ADD3: variants seen among roughly 807,000 people sequenced by gnomAD.
The protein encoded by ADD3 is adducin 3.
In ADD3, 25 loss-of-function variants were observed where a neutral mutation model predicts 80.2. The observed-to-expected ratio is 0.31, with a 90% confidence interval of 0.23 to 0.44. The LOEUF (loss-of-function observed/expected upper bound fraction) is 0.44. ADD3 is among the 20% of genes least tolerant of loss of function. ADD3 has a pLI of 1.00. For synonymous variants in ADD3, 284 were observed against 289.6 expected (o/e 0.98, Z 0.20); for missense variants, 829 against 847.5 (o/e 0.98, Z 0.27).
chr10:110,112,436 C>T (rs1850162871), intron 2 of ADD3: 1 of 181,570 alleles, frequency 5.5e-6, no homozygotes, highest in Non-Finnish European at 1.1e-5. Context: ...TCTGTCTTAG[C>T]TAAGCAAGGA....
At chr10:110,040,937 TCTCTCTC>T (rs1448326034) in intron 1 of ADD3, among the ~76,000 whole-genome samples, 19 of 102,200 alleles carry the variant, frequency 1.9e-4, no homozygotes, top group African/African-American at 5.4e-4. Flanking sequence ...TCGCTCTCTC[TCTCTCTC>T]GCTCTCTCTG....
At position 110,119,200 on chromosome 10, in the gene ADD3, A is replaced by G. The variant is rs746958016; in HGVS notation, c.718-11A>G. On this transcript the variant is annotated splice_polypyrimidine_tract_variant and intron_variant, in intron 6 of 14. Coordinates refer to ENST00000356080, the MANE Select transcript of ADD3 (RefSeq NM_016824.5). ...CAAATGTGTTATCTTGGTATGGGCC[A>G]AACCAAATAGGTATCCTCCATGAAA... The G allele has an allele frequency of 9.9e-6, 16 of 1,613,950 alleles. No homozygotes were observed. Among genetic ancestry groups the G allele is most frequent in the Non-Finnish European group, 1.4e-5 (16 of 1,179,926 alleles).
chr10:110,033,389 T>C (rs1855281851), intron 1 of ADD3, among the ~76,000 whole-genome samples: 1 of 152,202 alleles, frequency 6.6e-6, no homozygotes, highest in Non-Finnish European at 1.5e-5. Context: ...AAATTTAATA[T>C]AAAGAGGATA....
chr10:110,024,062 A>G (rs776732475), intron 1 of ADD3, among the ~76,000 whole-genome samples: 1 of 152,204 alleles, frequency 6.6e-6, no homozygotes, highest in African/African-American at 2.4e-5. Context: ...GTCCAGCACA[A>G]TGCTTACTTC....
chr10:110,059,766 C>G (rs1467503664), intron 1 of ADD3, among the ~76,000 whole-genome samples: 1 of 151,968 alleles, frequency 6.6e-6, no homozygotes, highest in Non-Finnish European at 1.5e-5. Flanking sequence ...GAGACTCTGT[C>G]TCAAAAAAAA....
chr10:110,079,473 T>A (rs1220698474), intron 1 of ADD3, among the ~76,000 whole-genome samples: 66 of 145,986 alleles, frequency 4.5e-4, no homozygotes, highest in East Asian at 3.9e-3. Flanking sequence ...TGTGTGTGTG[T>A]GTGTGTGTGT....
intron 1 of ADD3, among the ~76,000 whole-genome samples, chr10:110,086,019 C>T (rs780705729): frequency 9.9e-5 from 15 of 152,084 alleles, no homozygotes; most frequent in South Asian, 2.1e-4. Context: ...GCACGAGAAT[C>T]GCTTGAACCT....
chr10:110,035,341 C>CA (rs1249484334), intron 1 of ADD3, among the ~76,000 whole-genome samples: 2 of 152,190 alleles, frequency 1.3e-5, no homozygotes, highest in African/African-American at 4.8e-5. Context: ...CATCTATCTG[C>CA]ATCCCATGTT....
intron 1 of ADD3, among the ~76,000 whole-genome samples, chr10:110,097,910 GA>G (rs1168932698): frequency 6.6e-6 from 1 of 151,902 alleles, no homozygotes; most frequent in African/African-American, 2.4e-5. Flanking sequence ...GAGTAGCTGG[GA>G]CTACAGGCGC....
chr10:110,067,967 C>G lies in ADD3; in HGVS notation c.-29-32658C>G, dbSNP rs188153760. Among the ~76,000 whole-genome samples the G allele has an allele frequency of 2.0e-5, 3 of 152,102 alleles. No homozygotes were observed. The East Asian group carries it at 5.8e-4, about 29-fold the overall frequency. ...AGGGATAACTATTTATCCTAACTTT[C>G]TCTATACTGGAAAAACACCCCCTTT... On this transcript the variant is annotated intron_variant, in intron 1 of 14. Transcript: ENST00000356080.
At chr10:110,029,805 TAACA>T (rs548681557) in intron 1 of ADD3, among the ~76,000 whole-genome samples, 215 of 152,356 alleles carry the variant, frequency 1.4e-3, no homozygotes, top group Non-Finnish European at 2.7e-3. Flanking sequence ...GTTGAATTTT[TAACA>T]AACTTAACTA....
At chr10:110,049,265 G>C (rs4917550) in intron 1 of ADD3, among the ~76,000 whole-genome samples, 142,286 of 152,286 alleles carry the variant, frequency 0.93, 66,706 homozygotes, top group East Asian at 1. Context: ...GGCTGGGGCC[G>C]TCATGGAGAA....
chr10:110,010,569 C>T (rs1852225285), intron 1 of ADD3, among the ~76,000 whole-genome samples: 1 of 152,154 alleles, frequency 6.6e-6, no homozygotes. Context: ...TTTTTGAAGG[C>T]TGTTAGGTCA....
intron 3 of ADD3, 48 bp downstream of exon 3, chr10:110,112,963 T>C: frequency 6.9e-6 from 11 of 1,584,808 alleles, no homozygotes; most frequent in Non-Finnish European, 9.5e-6. Context: ...TACTTCCACT[T>C]TGGACCACTA....
rs1195370233 is a variant in ADD3 at position 110,100,723 on chromosome 10, T to G, written c.70T>G (p.Tyr24Asp). 60 of 1,614,014 alleles carry G rather than the reference T, an allele frequency of 3.7e-5. No individual in the cohort carries two copies. Among genetic ancestry groups the G allele is most frequent in the Non-Finnish European group, 4.6e-5 (54 of 1,179,956 alleles). The change falls in exon 2 of 15, where the codon TAT becomes GAT. Residue 24 changes from tyrosine to aspartate, a missense_variant. By Grantham distance (160) the Tyr-to-Asp change is radical (BLOSUM62 -3). Coordinates refer to ENST00000356080, the MANE Select transcript of ADD3 (RefSeq NM_016824.5). ...TCCCAGCATGCCTCACAAAGAGAGATATTTTGACCGCATCAATGAAAATGA... is the reference window on the plus strand; with the variant it reads ...TCCCAGCATGCCTCACAAAGAGAGAGATTTTGACCGCATCAATGAAAATGA... ...PPPSMPHKER[Y>D]FDRINENDPE...
At chr10:110,074,642 C>A (rs1460202632) in intron 1 of ADD3, among the ~76,000 whole-genome samples, 1 of 151,498 alleles carries the variant, frequency 6.6e-6, no homozygotes, top group Non-Finnish European at 1.5e-5. Context: ...AAAATGCTAT[C>A]TTTCTCTTTT....
Position 110,100,691 on chromosome 10 carries a change from C to T in ADD3, c.38C>T (p.Pro13Leu), listed in dbSNP as rs1848713691. ...SDASQGVITT[P>L]PPPSMPHKER... ...GCCAGCCAAGGCGTGATTACCACTC[C>T]TCCTCCTCCCAGCATGCCTCACAAA... Residue 13 changes from proline to leucine, a missense_variant, in exon 2 of 15, where the codon CCT becomes CTT. Coordinates refer to ENST00000356080, the MANE Select transcript of ADD3 (RefSeq NM_016824.5). 1 of 1,612,804 alleles carries T rather than the reference C, an allele frequency of 6.2e-7. No individual in the cohort carries two copies. Among genetic ancestry groups the T allele is most frequent in the African/African-American group, 1.3e-5 (1 of 74,816 alleles).
chr10:110,130,583 C>A, intron 13 of ADD3, 97 bp downstream of exon 13: 1 of 1,334,992 alleles, frequency 7.5e-7, no homozygotes, highest in Non-Finnish European at 1.0e-6. Context: ...TGGCCGGGCA[C>A]AATGGCTCAC....
chr10:110,119,346 A>C lies in ADD3; in HGVS notation c.853A>C (p.Ser285Arg). 3 of 1,614,106 alleles carry C rather than the reference A, an allele frequency of 1.9e-6. No homozygotes were observed. Among genetic ancestry groups the C allele is most frequent in the Non-Finnish European group, 2.5e-6 (3 of 1,179,992 alleles). The change falls in exon 7 of 15, where the codon AGT becomes CGT. Residue 285 changes from serine to arginine, a missense_variant. Ser to Arg is a moderately radical substitution (Grantham distance 110). Coordinates refer to ENST00000356080, the MANE Select transcript of ADD3 (RefSeq NM_016824.5). ...TCAACTGCAGAAGGTTCTGGGACCAAGTTGTAAGGTATGTAGTAGAGTTTG... is the reference window on the plus strand; with the variant it reads ...TCAACTGCAGAAGGTTCTGGGACCACGTTGTAAGGTATGTAGTAGAGTTTG... ...RIQLQKVLGP[S>R]CKVLVLRNHG...
Sources: gnomAD v4.1 joint callset for allele counts (sites outside exome capture counted in the v4.1 genomes callset) on GRCh38, gnomAD v4.1.1 for gene constraint, MANE v1.5 for transcripts, NCBI Gene and HGNC (gene_info 2026-07-23, HGNC 2026-07-21) for gene names.